The following CAPN14 variants were observed in gnomAD, a reference collection of about 807,000 sequenced individuals.
CAPN14 encodes calpain-14.
Under a neutral mutation model 101.3 loss-of-function variants are expected in CAPN14, and 94 were observed. The ratio of observed to expected loss-of-function variants is 0.93; its 90% CI spans 0.79 to 1.10. The LOEUF is 1.10. Among genes scored for constraint, CAPN14 ranks in the 50% least tolerant of loss-of-function variants. The pLI is 0.00. For missense variants in CAPN14, 837 were observed against 828.4 expected, an observed-to-expected ratio of 1.01 and a Z score of -0.13; for synonymous variants, 338 against 317.9, an observed-to-expected ratio of 1.06 and a Z score of -0.67.
intron 2 of CAPN14, among the ~76,000 whole-genome samples, chr2:31,203,779 C>A (rs1297247721): frequency 1.3e-5 from 2 of 152,012 alleles, no homozygotes; most frequent in Admixed American, 6.5e-5. Context: ...TCTGGGGCTG[C>A]AGGTATCGAT....
intron 1 of CAPN14, among the ~76,000 whole-genome samples, chr2:31,206,299 G>A (rs1424443745): frequency 6.6e-6 from 1 of 152,170 alleles, no homozygotes; most frequent in Non-Finnish European, 1.5e-5. Context: ...TCCAGCACAG[G>A]GTGCGTGGGT....
upstream of CAPN14, among the ~76,000 whole-genome samples, chr2:31,218,446 C>T (rs1048745268): frequency 8.5e-5 from 13 of 152,170 alleles, no homozygotes; most frequent in Admixed American, 3.9e-4. Flanking sequence ...TCTTCCTCCC[C>T]GCCTGCTTCT....
Position 31,197,321 on chromosome 2 carries a change from T to C in CAPN14, c.803A>G (p.His268Arg). The C allele has an allele frequency of 6.4e-7, 1 of 1,550,556 alleles. No homozygotes were observed. Residue 268 changes from histidine to arginine, a missense_variant, in exon 8 of 22, where the codon CAT becomes CGT. Transcript: ENST00000403897. The stretch of plus-strand genomic sequence containing the variant: ...TAGCTTGACGAGATATTCAGGTCTA[T>C]GTTTGCAGGTCACCTGCATAAAATG... ...LTGIRKVTCKHRPEYLVKLRN... is the reference protein window; with the variant it reads ...LTGIRKVTCKRRPEYLVKLRN...
chr2:31,206,468 G>T lies in CAPN14; in HGVS notation c.-52-969C>A, dbSNP rs543536756. 4.9e-3 allele frequency among the ~76,000 whole-genome samples: 742 copies of T among 152,280 alleles called. 1 individual carries two copies. Among genetic ancestry groups the T allele is most frequent in the Non-Finnish European group, 7.5e-3 (513 of 68,020 alleles). The stretch of plus-strand genomic sequence containing the variant: ...GGGTTTCGCCATGTTGGCCAGGCTG[G>T]TCTCGAACTCCTGACCTCAAGTGAT... On this transcript the variant is annotated intron_variant, in intron 1 of 21. Transcript: ENST00000403897.
intron 1 of CAPN14, among the ~76,000 whole-genome samples, chr2:31,216,613 G>A (rs970429768): frequency 3.9e-5 from 6 of 152,068 alleles, no homozygotes; most frequent in African/African-American, 1.4e-4. Flanking sequence ...GAAAGTCAAA[G>A]ACACCCCTCA....
chr2:31,191,052 C>A (rs184844819), intron 12 of CAPN14, among the ~76,000 whole-genome samples: 2 of 152,152 alleles, frequency 1.3e-5, no homozygotes, highest in African/African-American at 4.8e-5. Context: ...ATAACCCAGT[C>A]ATGATTGTAA....
chr2:31,205,239 T>G lies in CAPN14; in HGVS notation c.209A>C (p.Gln70Pro), dbSNP rs1682010207. 1.3e-6 allele frequency: 2 copies of G among 1,549,542 alleles called. No homozygotes were observed. The stretch of plus-strand genomic sequence containing the variant: ...TTGCCTCACCGGGGGCCTCTTCCAC[T>G]GCAGGCGGGGTGGCAGCTTCTGCAG... ...SLLQKLPPRL[Q>P]WKRPPELHSN... Residue 70 changes from glutamine to proline, a missense_variant, in exon 2 of 22, where the codon CAG becomes CCG. Transcript: ENST00000403897.
At chr2:31,213,024 C>T (rs944784111) in intron 1 of CAPN14, among the ~76,000 whole-genome samples, 6 of 152,194 alleles carry the variant, frequency 3.9e-5, no homozygotes, top group Non-Finnish European at 1.5e-5. Flanking sequence ...TCCCTGCTCT[C>T]GACAGTCGGA....
chr2:31,225,066 C>G (rs1682979791), intron 2 of CAPN14, among the ~76,000 whole-genome samples: 1 of 151,710 alleles, frequency 6.6e-6, no homozygotes, highest in Non-Finnish European at 1.5e-5. Context: ...TAGACACAGA[C>G]AAAAGATTAA....
chr2:31,197,601 C>T (rs990861827), intron 7 of CAPN14, among the ~76,000 whole-genome samples: 1 of 152,192 alleles, frequency 6.6e-6, no homozygotes, highest in Non-Finnish European at 1.5e-5. Context: ...TGGTGATCTT[C>T]CCTCCCCAAA....
Position 31,174,436 on chromosome 2 carries a change from G to A in CAPN14, c.*245C>T, listed in dbSNP as rs1247177078. The A allele has an allele frequency of 6.8e-6, 4 of 588,414 alleles. No individual in the cohort carries two copies. The highest frequency in any genetic ancestry group is 6.0e-6 in the Non-Finnish European group (2 of 330,812). The allele number at this position is 588,414 out of a possible 1,614,324, so 36.4% of individuals were successfully genotyped here. A position where few individuals can be genotyped will look rare whatever the true frequency, so the allele number is the denominator to read the frequency against. On this transcript the variant is annotated 3_prime_UTR_variant, in exon 22 of 22. Transcript: ENST00000403897. Reference sequence around the variant, plus strand: ...CATCTCCGCTTGTGACAAGGTTGTGGCCTCAGGGAAGGATGGCTAGCTTTT... The same window carrying A: ...CATCTCCGCTTGTGACAAGGTTGTGACCTCAGGGAAGGATGGCTAGCTTTT...
chr2:31,201,574 T>C (rs1436556538), intron 5 of CAPN14, among the ~76,000 whole-genome samples: 1 of 152,188 alleles, frequency 6.6e-6, no homozygotes, highest in East Asian at 1.9e-4. Flanking sequence ...TTTCTTTGGG[T>C]GTATCTTGCT....
rs150824605 is a variant in CAPN14 at position 31,184,488 on chromosome 2, C to G, written c.1645+1940G>C. On this transcript the variant is annotated intron_variant, in intron 16 of 21. Transcript: ENST00000403897. ...CCAGTATCTCTTTGAAATATGGTGC[C>G]AAGATTTGAACACAGTCCTCCAGAT... Among the ~76,000 whole-genome samples, 7 of 152,308 alleles carry G rather than the reference C, an allele frequency of 4.6e-5. No individual in the cohort carries two copies. In the East Asian group the frequency reaches 1.2e-3, roughly 25 times the overall value.
intron 12 of CAPN14, among the ~76,000 whole-genome samples, chr2:31,191,065 T>C (rs1272392938): frequency 1.3e-5 from 2 of 152,216 alleles, no homozygotes; most frequent in Non-Finnish European, 2.9e-5. Flanking sequence ...GATTGTAATT[T>C]ATCATCTTTC....
intron 12 of CAPN14, among the ~76,000 whole-genome samples, 161 bp downstream of exon 12, chr2:31,191,238 T>G (rs1363127071): frequency 6.6e-6 from 1 of 152,054 alleles, no homozygotes; most frequent in Non-Finnish European, 1.5e-5. Context: ...GCACTTTACT[T>G]TCATATACAC....
At chr2:31,187,367 G>A (rs886996995) in intron 15 of CAPN14, among the ~76,000 whole-genome samples, 11 of 151,512 alleles carry the variant, frequency 7.3e-5, no homozygotes, top group African/African-American at 9.7e-5. Flanking sequence ...TTCTCCCTGC[G>A]CTCCCCTCCA....
At chr2:31,221,586 G>A (rs1682863615), upstream of CAPN14, among the ~76,000 whole-genome samples, 1 of 151,672 alleles carries the variant, frequency 6.6e-6, no homozygotes, top group Non-Finnish European at 1.5e-5. Flanking sequence ...TTTTCCTTCT[G>A]ACTTGTAAAC....
Position 31,192,029 on chromosome 2 carries a change from C to A in CAPN14, c.1184G>T (p.Arg395Met). ...WRPEEGRRSL[R>M]PCSVLVSLLQ... ...CAGGGACACCAGCACGCTGCAGGGC[C>A]TCAGGGATCTCCTGCCCTCCTCGGG... Residue 395 changes from arginine to methionine, a missense_variant, in exon 11 of 22, where the codon AGG (arginine) becomes ATG (methionine). Transcript: ENST00000403897. The A allele has an allele frequency of 1.9e-6, 3 of 1,551,620 alleles. No individual in the cohort carries two copies. The highest frequency in any genetic ancestry group is 2.6e-6 in the Non-Finnish European group (3 of 1,146,960).
chr2:31,177,089 G>A lies in CAPN14; in HGVS notation c.1909C>T (p.Pro637Ser). Residue 637 changes from proline (P) to serine (S), a missense_variant, in exon 20 of 22, where the codon CCC (proline) becomes TCC (serine). Pro to Ser is a moderately conservative substitution (Grantham distance 74). Transcript: ENST00000403897. The stretch of plus-strand genomic sequence containing the variant: ...CTGACAAAGTCCATCTGGAGGCGGG[G>A]GCCGCCGTAGCGGATGAGCATCAGC... ...CQLMLIRYGG[P>S]RLQMDFVSFI... is the part of the protein sequence containing the mutation. 1.3e-6 allele frequency: 2 copies of A among 1,551,520 alleles called. No homozygotes were observed.
Sources: allele counts gnomAD v4.1 joint callset (sites outside exome capture counted in the v4.1 genomes callset), GRCh38; gene constraint gnomAD v4.1.1; transcripts MANE v1.5; gene names NCBI Gene and HGNC (gene_info 2026-07-23, HGNC 2026-07-21).